Variants in AMZ1 observed in about 807,000 individuals in gnomAD.
The protein encoded by AMZ1 is archaelysin family metallopeptidase 1, also known as archaemetzincin-1.
A neutral mutation model predicts 29.9 loss-of-function variants in AMZ1; 39 were observed. The observed-to-expected ratio is 1.30, with a 90% CI of 1.01 to 1.70. The LOEUF (loss-of-function observed/expected upper bound fraction) is 1.70. Among genes scored for constraint, AMZ1 ranks in the 40% most tolerant of loss-of-function variants. The pLI, the probability that AMZ1 is intolerant of heterozygous loss-of-function variation, is 0.00. For synonymous variants in AMZ1, 458 were observed against 304.0 expected (o/e 1.51, Z -5.27); for missense variants, 1,041 against 680.6 (o/e 1.53, Z -5.89).
At chr7:2,725,798 CACA>C (rs1789593056) in intron 4 of AMZ1, among the ~76,000 whole-genome samples, 1 of 152,256 alleles carries the variant, frequency 6.6e-6, no homozygotes. Flanking sequence ...CCAGGTCCAA[CACA>C]ACGCCTCACA....
intron 4 of AMZ1, among the ~76,000 whole-genome samples, chr7:2,726,183 G>C (rs1320505939): frequency 6.6e-6 from 1 of 152,232 alleles, no homozygotes; most frequent in African/African-American, 2.4e-5. Flanking sequence ...ATGTGCGTGA[G>C]GAAAGATTAG....
intron 6 of AMZ1, among the ~76,000 whole-genome samples, 182 bp downstream of exon 6, chr7:2,709,998 G>A (rs186838452): frequency 6.6e-6 from 1 of 152,246 alleles, no homozygotes; most frequent in Non-Finnish European, 1.5e-5. Context: ...CTCACTGGCA[G>A]TAGATCGAGT....
At chr7:2,692,716 G>A (rs1022914431) in intron 1 of AMZ1, among the ~76,000 whole-genome samples, 1 of 152,080 alleles carries the variant, frequency 6.6e-6, no homozygotes, top group Non-Finnish European at 1.5e-5. Flanking sequence ...CTGACACCTG[G>A]CATGGCTAGG....
rs1788962454 is a variant in AMZ1, at chr7:2,713,905, C to G, written c.*1027C>G. ...TAGCTGGAGGTGGTGATCAGATGAT[C>G]TGTCTTTCCTTTTTTTTTCGGTCTA... On this transcript the variant is annotated 3_prime_UTR_variant, in exon 7 of 7. Transcript: ENST00000683327. 6.6e-6 allele frequency: 1 copy of G among 152,162 alleles called. No homozygotes were observed. The highest frequency in any genetic ancestry group is 6.5e-5 in the Admixed American group (1 of 15,274). 9.4% of individuals were successfully genotyped at this position (152,162 alleles called of 1,614,324 possible). A position where few individuals can be genotyped will look rare whatever the true frequency, so the allele number is the denominator to read the frequency against.
intron 4 of AMZ1, among the ~76,000 whole-genome samples, chr7:2,750,153 A>C (rs1790960627): frequency 6.6e-6 from 1 of 152,198 alleles, no homozygotes; most frequent in Non-Finnish European, 1.5e-5. Context: ...CTCCGGTCTG[A>C]CATGTAAAGG....
intron 4 of AMZ1, among the ~76,000 whole-genome samples, chr7:2,735,756 G>A (rs546013366): frequency 1.3e-5 from 2 of 152,270 alleles, no homozygotes; most frequent in African/African-American, 4.8e-5. Flanking sequence ...CATGAGTGGC[G>A]GAGGAGAGGA....
chr7:2,719,987 C>G (rs1272266873), downstream of AMZ1, among the ~76,000 whole-genome samples: 8 of 152,184 alleles, frequency 5.3e-5, no homozygotes, highest in Non-Finnish European at 1.2e-4. Flanking sequence ...AGCCTCAACT[C>G]CAAATTTTAA....
chr7:2,737,766 G>A (rs1790282639), intron 4 of AMZ1, among the ~76,000 whole-genome samples: 2 of 152,182 alleles, frequency 1.3e-5, no homozygotes, highest in African/African-American at 2.4e-5. Flanking sequence ...TGTATGAAAA[G>A]TAACAGCAAA....
At chr7:2,709,526 C>A (rs1456497925) in intron 5 of AMZ1, 114 bp from the exon 6 acceptor site, 15 of 1,457,480 alleles carry the variant, frequency 1.0e-5, no homozygotes, top group Non-Finnish European at 1.4e-5. Flanking sequence ...GGACCACCTC[C>A]CGGCCATCTG....
intron 4 of AMZ1, among the ~76,000 whole-genome samples, chr7:2,756,341 C>T (rs1465366805): frequency 6.6e-6 from 1 of 152,144 alleles, no homozygotes. Flanking sequence ...CAAACTGGAT[C>T]ACTAAAACTA....
intron 1 of AMZ1, among the ~76,000 whole-genome samples, chr7:2,699,141 G>T (rs891051551): frequency 5.9e-5 from 9 of 152,046 alleles, no homozygotes; most frequent in African/African-American, 2.2e-4. Flanking sequence ...TATCTGTTCT[G>T]CGAGGCTTCC....
chr7:2,762,289 G>A (rs949647426), upstream of AMZ1: 6 of 255,264 alleles, frequency 2.4e-5, no homozygotes, highest in Non-Finnish European at 2.2e-5. Flanking sequence ...GCACATGGCG[G>A]GGCCGGCGTG....
At chr7:2,733,416 G>C (rs1790000555) in intron 4 of AMZ1, 2 of 1,599,154 alleles carry the variant, frequency 1.3e-6, no homozygotes, top group African/African-American at 2.7e-5. Context: ...TCTAACCCTG[G>C]AGCCCAGCTT....
upstream of AMZ1, among the ~76,000 whole-genome samples, chr7:2,761,233 C>A (rs1249064713): frequency 1.3e-5 from 2 of 152,170 alleles, no homozygotes; most frequent in Admixed American, 1.3e-4. Context: ...TCTGCTACCT[C>A]CCGGCCGTGG....
chr7:2,746,977 T>G (rs1172065415), intron 4 of AMZ1, among the ~76,000 whole-genome samples: 1 of 152,070 alleles, frequency 6.6e-6, no homozygotes, highest in African/African-American at 2.4e-5. Flanking sequence ...AGGAAGAAGT[T>G]GAATCTCTGA....
chr7:2,763,914 G>A (rs545656171), upstream of AMZ1, among the ~76,000 whole-genome samples: 94 of 152,322 alleles, frequency 6.2e-4, no homozygotes, highest in Non-Finnish European at 1.1e-3. Flanking sequence ...TTGCTTTAGA[G>A]TCTTGGTTAA....
At chr7:2,698,405 G>T (rs543952164) in intron 1 of AMZ1, among the ~76,000 whole-genome samples, 2 of 151,812 alleles carry the variant, frequency 1.3e-5, no homozygotes, top group Non-Finnish European at 2.9e-5. Context: ...TAGCATGGTC[G>T]GGGGCACCTG....
chr7:2,724,717 T>C (rs1161732644), intron 4 of AMZ1, among the ~76,000 whole-genome samples: 1 of 152,172 alleles, frequency 6.6e-6, no homozygotes, highest in African/African-American at 2.4e-5. Context: ...AAAAAGCACC[T>C]AAGTTTTGGG....
At position 2,744,699 on chromosome 7, in the gene AMZ1, C is replaced by T. The variant is rs1236854583; in HGVS notation, n.551-20013C>T. Among the ~76,000 whole-genome samples, 4 of 152,230 alleles carry T rather than the reference C, an allele frequency of 2.6e-5. No individual in the cohort carries two copies. In the East Asian group the frequency reaches 7.7e-4, roughly 29 times the overall value. On this transcript the variant is annotated intron_variant and non_coding_transcript_variant, in intron 4 of 4. Coordinates refer to the AMZ1 transcript ENST00000489665. ...ACTTTGACGAGTTGAGAAAAGAAGG[C>T]TTCAGACAATCAAACTACTCTGAGC...
Sources: allele counts gnomAD v4.1 joint callset (sites outside exome capture counted in the v4.1 genomes callset), GRCh38; gene constraint gnomAD v4.1.1; transcripts MANE v1.5; gene names NCBI Gene and HGNC (gene_info 2026-07-23, HGNC 2026-07-21).